TET2: variants seen among roughly 807,000 people sequenced by gnomAD.
TET2 encodes methylcytosine dioxygenase TET2.
A neutral mutation model predicts 142.9 loss-of-function variants in TET2; 299 were observed. The observed-to-expected ratio is 2.09, with a 90% CI of 1.90 to 2.30. The LOEUF is 2.30. Ranked by LOEUF, TET2 falls within the 30% of genes most tolerant of loss-of-function variation. The pLI is 0.00. For synonymous variants in TET2, 819 were observed against 849.0 expected (o/e 0.96, Z 0.61); for missense variants, 2,418 against 2,378.0 (o/e 1.02, Z -0.35).
intron 6 of TET2, among the ~76,000 whole-genome samples, chr4:105,248,433 GTTAAGAATTTTTGCAGAAATCTGTTA>G (rs377577279): frequency 2.0e-4 from 31 of 152,102 alleles, no homozygotes; most frequent in African/African-American, 6.8e-4. Context: ...TAAATCAAAG[GTTAAGAATTTTTGCAGAAATCTGTTA>G]TATAGATGAC....
chr4:105,250,363 C>T (rs1219196210), intron 6 of TET2, among the ~76,000 whole-genome samples: 1 of 117,244 alleles, frequency 8.5e-6, no homozygotes, highest in African/African-American at 3.1e-5. Flanking sequence ...AGATCAGCTT[C>T]TCCGTTTCCT....
intron 1 of TET2, among the ~76,000 whole-genome samples, chr4:105,172,154 T>C (rs1445197019): frequency 6.6e-6 from 1 of 152,080 alleles, no homozygotes; most frequent in Non-Finnish European, 1.5e-5. Flanking sequence ...AGACCTTAAA[T>C]AAATACAGTT....
At chr4:105,219,778 A>C (rs886098601) in intron 2 of TET2, among the ~76,000 whole-genome samples, 1 of 152,092 alleles carries the variant, frequency 6.6e-6, no homozygotes, top group Admixed American at 6.6e-5. Context: ...ACTCGACTTT[A>C]AGACTTTGTT....
chr4:105,201,682 T>C (rs893487902), intron 2 of TET2, among the ~76,000 whole-genome samples: 1 of 147,334 alleles, frequency 6.8e-6, no homozygotes, highest in Non-Finnish European at 1.5e-5. Flanking sequence ...ATTCAATTAG[T>C]GCCAATACAG....
rs1731266112 is a variant in TET2 at position 105,277,182 on chromosome 4, A to C, written c.*663A>C. On this transcript the variant is annotated 3_prime_UTR_variant, in exon 11 of 11. Coordinates refer to ENST00000380013, the MANE Select transcript of TET2 (RefSeq NM_001127208.3). ...GCCTTTATATCATCAAGATGCTATC[A>C]GTGTACTCCAGTGCCCTTGAATAAT... 1 of 230,164 alleles carries C rather than the reference A, an allele frequency of 4.3e-6. No individual in the cohort carries two copies. The highest frequency in any genetic ancestry group is 2.2e-5 in the African/African-American group (1 of 45,204). 14.3% of individuals were successfully genotyped at this position (230,164 alleles called of 1,614,324 possible).
intron 10 of TET2, among the ~76,000 whole-genome samples, chr4:105,273,721 G>A (rs1472414151): frequency 1.3e-5 from 2 of 151,924 alleles, no homozygotes; most frequent in Non-Finnish European, 2.9e-5. Flanking sequence ...AGAGAGAGAG[G>A]GGAGAATGAA....
chr4:105,205,562 G>C (rs1726765839), intron 2 of TET2, among the ~76,000 whole-genome samples: 1 of 152,128 alleles, frequency 6.6e-6, no homozygotes, highest in African/African-American at 2.4e-5. Flanking sequence ...ACACATTCTT[G>C]AAGGAGAGCT....
chr4:105,264,129 T>C (rs1444122236), intron 8 of TET2, among the ~76,000 whole-genome samples: 2 of 150,396 alleles, frequency 1.3e-5, no homozygotes, highest in African/African-American at 2.4e-5. Flanking sequence ...GTTCGAACAA[T>C]AGAGGCAAAT....
intron 2 of TET2, among the ~76,000 whole-genome samples, chr4:105,220,612 G>T (rs952268266): frequency 5.9e-5 from 9 of 152,084 alleles, no homozygotes; most frequent in Admixed American, 1.3e-4. Flanking sequence ...GGAGCTCAGG[G>T]CTCCTTAAGC....
intron 5 of TET2, 99 bp from the exon 6 acceptor site, chr4:105,243,470 TA>T: frequency 9.4e-7 from 1 of 1,058,842 alleles, no homozygotes; most frequent in Non-Finnish European, 1.4e-6. Context: ...CTAAACATGA[TA>T]AAATATACAT....
At chr4:105,171,781 A>T (rs1724480858) in intron 1 of TET2, 1 of 152,204 alleles carries the variant, frequency 6.6e-6, no homozygotes, top group East Asian at 1.9e-4. Context: ...GCTGTGGGTA[A>T]ACCTACAGAA....
At chr4:105,160,987 G>A (rs988518636) in intron 1 of TET2, among the ~76,000 whole-genome samples, 13 of 152,154 alleles carry the variant, frequency 8.5e-5, no homozygotes, top group African/African-American at 3.1e-4. Flanking sequence ...TCTTGGTCAG[G>A]CTGGTTTTGA....
chr4:105,272,295 G>A (rs1028773897), intron 9 of TET2, among the ~76,000 whole-genome samples: 2 of 152,172 alleles, frequency 1.3e-5, no homozygotes, highest in Non-Finnish European at 2.9e-5. Context: ...CATATGTGAA[G>A]AACAAGGGTC....
intron 5 of TET2, among the ~76,000 whole-genome samples, 189 bp from the exon 6 acceptor site, chr4:105,243,381 T>C (rs1387798374): frequency 6.6e-6 from 1 of 152,194 alleles, no homozygotes; most frequent in African/African-American, 2.4e-5. Context: ...GTTCTGATAC[T>C]AGGGTCAAAG....
intron 2 of TET2, among the ~76,000 whole-genome samples, chr4:105,199,989 G>C (rs1474904390): frequency 6.6e-6 from 1 of 151,962 alleles, no homozygotes; most frequent in African/African-American, 2.4e-5. Context: ...TTGTGAATAG[G>C]ACTGCAGTGA....
intron 2 of TET2, among the ~76,000 whole-genome samples, chr4:105,197,802 T>C (rs1265802799): frequency 6.6e-6 from 1 of 152,196 alleles, no homozygotes; most frequent in Non-Finnish European, 1.5e-5. Flanking sequence ...AACCAGATGG[T>C]CTCTGAAAGG....
chr4:105,272,858 A>T lies in TET2; in HGVS notation c.4477A>T (p.Lys1493Ter). The change falls in exon 10 of 11, where the codon AAG becomes TAG. Residue 1493 changes from lysine (K) to a stop codon, truncating the protein, a stop_gained. Transcript: ENST00000380013. LOFTEE classifies it high-confidence loss of function. ...ENSSNKNEKE[K>*]SAPSRTKQTE... Reference sequence around the variant, plus strand: ...CAGCTCAAATAAAAATGAAAAGGAAAAGTCAGCCCCATCACGTACAAAACA... The same window carrying T: ...CAGCTCAAATAAAAATGAAAAGGAATAGTCAGCCCCATCACGTACAAAACA... 6.4e-7 allele frequency: 1 copy of T among 1,551,038 alleles called. No homozygotes were observed. Among genetic ancestry groups the T allele is most frequent in the Non-Finnish European group, 8.7e-7 (1 of 1,146,864 alleles).
chr4:105,181,783 T>C (rs112964434), intron 1 of TET2, among the ~76,000 whole-genome samples: 2,189 of 152,258 alleles, frequency 0.014, 33 homozygotes, highest in Middle Eastern at 0.058. Context: ...TGATGAAAAA[T>C]ACTATGTCAC....
chr4:105,197,231 A>G (rs1448631296), intron 2 of TET2, among the ~76,000 whole-genome samples: 1 of 152,196 alleles, frequency 6.6e-6, no homozygotes, highest in African/African-American at 2.4e-5. Flanking sequence ...TCTAATTCTA[A>G]TAGTATTGAT....
Sources: gnomAD v4.1 joint callset for allele counts (sites outside exome capture counted in the v4.1 genomes callset) on GRCh38, gnomAD v4.1.1 for gene constraint, MANE v1.5 for transcripts, NCBI Gene and HGNC (gene_info 2026-07-23, HGNC 2026-07-21) for gene names.